The following LTBP1 variants were observed in gnomAD, a reference collection of about 807,000 sequenced individuals.
The protein encoded by LTBP1 is latent-transforming growth factor beta-binding protein 1.
Under a neutral mutation model 207.6 loss-of-function variants are expected in LTBP1, and 129 were observed. The observed-to-expected ratio is 0.62, with a 90% CI of 0.54 to 0.72. LTBP1 has a LOEUF of 0.72. Among genes scored for constraint, LTBP1 ranks in the 30% least tolerant of loss-of-function variants. The pLI is 0.00. For missense variants in LTBP1, 2,281 were observed against 2,217.2 expected (o/e 1.03, Z -0.58); for synonymous variants, 963 against 833.7 (o/e 1.16, Z -2.67).
intron 24 of LTBP1, among the ~76,000 whole-genome samples, chr2:33,334,563 G>C (rs2094533298): frequency 6.6e-6 from 1 of 152,144 alleles, no homozygotes; most frequent in South Asian, 2.1e-4. Flanking sequence ...AGAAGAATGT[G>C]GTGACTGGAT....
chr2:33,390,990 TA>T (rs1167229894), intron 32 of LTBP1, among the ~76,000 whole-genome samples: 3 of 150,600 alleles, frequency 2.0e-5, no homozygotes, highest in Admixed American at 6.6e-5. Context: ...CAAGAGCTTT[TA>T]TTTTTTTTTT....
Position 33,278,783 on chromosome 2 carries a change from A to G in LTBP1, c.2993-1256A>G, listed in dbSNP as rs149699415. ...TTGGAAAATGAAACTGGCAAGCACC[A>G]TCTTTTTGTAGAACAAGAAGTCCCA... is the stretch of plus-strand genomic sequence containing the variant. On this transcript the variant is annotated intron_variant, in intron 18 of 33. Transcript: ENST00000404816. Among the ~76,000 whole-genome samples, 337 of 152,346 alleles carry G rather than the reference A, an allele frequency of 2.2e-3. 1 individual carries two copies. Among genetic ancestry groups the G allele is most frequent in the African/African-American group, 4.5e-3 (186 of 41,576 alleles).
intron 18 of LTBP1, among the ~76,000 whole-genome samples, chr2:33,276,889 T>C (rs2093436731): frequency 6.6e-6 from 1 of 152,166 alleles, no homozygotes; most frequent in South Asian, 2.1e-4. Flanking sequence ...ACTATGGCAC[T>C]TTTTTTGCAA....
At position 32,989,575 on chromosome 2, in the gene LTBP1, C is replaced by G. The variant is rs117449196; in HGVS notation, c.566-31334C>G. Reference sequence around the variant, plus strand: ...TGGAATAGCACTGTGGTAATGTGGACAAGGAAAAGCCCAGGGACAGAGTGT... The same window carrying G: ...TGGAATAGCACTGTGGTAATGTGGAGAAGGAAAAGCCCAGGGACAGAGTGT... On this transcript the variant is annotated intron_variant, in intron 2 of 33. Coordinates refer to ENST00000404816, the MANE Select transcript of LTBP1 (RefSeq NM_206943.4). Among the ~76,000 whole-genome samples the G allele has an allele frequency of 2.6e-5, 4 of 152,276 alleles. No individual in the cohort carries two copies. The East Asian group carries it at 7.7e-4, about 29-fold the overall frequency.
intron 3 of LTBP1, among the ~76,000 whole-genome samples, chr2:33,047,599 G>A (rs935797488): frequency 6.6e-6 from 1 of 152,152 alleles, no homozygotes; most frequent in Non-Finnish European, 1.5e-5. Context: ...CTGTTGATTT[G>A]GGGTGGAGAG....
At chr2:33,082,432 CTTTTTTTTTTTTT>C (rs56058653) in intron 3 of LTBP1, among the ~76,000 whole-genome samples, 5 of 29,356 alleles carry the variant, frequency 1.7e-4, no homozygotes, top group African/African-American at 4.4e-4. Flanking sequence ...GTATGACTCA[CTTTTTTTTTTTTT>C]TTTTTTTTTT....
At chr2:32,982,723 G>A (rs1682953773) in intron 2 of LTBP1, among the ~76,000 whole-genome samples, 1 of 152,218 alleles carries the variant, frequency 6.6e-6, no homozygotes, top group African/African-American at 2.4e-5. Context: ...TGGCTTCAGA[G>A]GGTGCAAGCC....
intron 5 of LTBP1, among the ~76,000 whole-genome samples, chr2:33,170,214 G>A (rs1275114896): frequency 1.3e-5 from 2 of 152,198 alleles, no homozygotes; most frequent in African/African-American, 4.8e-5. Context: ...TGCCTCACTC[G>A]GGAAGCGCAA....
chr2:33,044,514 T>C (rs1205162400), intron 3 of LTBP1, among the ~76,000 whole-genome samples: 1 of 152,210 alleles, frequency 6.6e-6, no homozygotes, highest in African/African-American at 2.4e-5. Context: ...CAGTCTATCA[T>C]TGATGAGCAT....
intron 24 of LTBP1, among the ~76,000 whole-genome samples, chr2:33,338,906 G>A (rs943602843): frequency 1.3e-5 from 2 of 152,214 alleles, no homozygotes; most frequent in African/African-American, 4.8e-5. Context: ...AGATGAGGAA[G>A]GGTGCTCCAT....
At chr2:33,117,146 A>C (rs2080793436) in intron 4 of LTBP1, among the ~76,000 whole-genome samples, 1 of 152,334 alleles carries the variant, frequency 6.6e-6, no homozygotes, top group Non-Finnish European at 1.5e-5. Context: ...TGTTGTTTTC[A>C]TAGTAGCAGC....
intron 9 of LTBP1, among the ~76,000 whole-genome samples, chr2:33,235,982 C>G (rs2092029052): frequency 6.6e-6 from 1 of 152,142 alleles, no homozygotes; most frequent in African/African-American, 2.4e-5. Context: ...CAGCAAACCA[C>G]TATGGCACTT....
intron 19 of LTBP1, among the ~76,000 whole-genome samples, chr2:33,283,427 C>CA (rs2093601701): frequency 1.5e-5 from 1 of 68,872 alleles, no homozygotes; most frequent in African/African-American, 6.0e-5. Context: ...ACATTAAAGA[C>CA]TTTTTTTTTT....
At chr2:33,058,462 G>C (rs2077113056) in intron 3 of LTBP1, among the ~76,000 whole-genome samples, 1 of 152,168 alleles carries the variant, frequency 6.6e-6, no homozygotes, top group Non-Finnish European at 1.5e-5. Context: ...TCTAAACGTA[G>C]TACCTTCCAC....
chr2:33,216,411 C>T (rs1457006436), intron 7 of LTBP1, among the ~76,000 whole-genome samples: 1 of 152,058 alleles, frequency 6.6e-6, no homozygotes, highest in Non-Finnish European at 1.5e-5. Context: ...ATAAAGAGCC[C>T]TTTGGTATGT....
At chr2:33,280,468 C>T (rs2093537855) in intron 19 of LTBP1, among the ~76,000 whole-genome samples, 1 of 152,048 alleles carries the variant, frequency 6.6e-6, no homozygotes, top group Non-Finnish European at 1.5e-5. Context: ...GAGCAAAACA[C>T]TTAAAAAGAG....
Position 33,086,040 on chromosome 2 carries a change from G to A in LTBP1, c.864-24542G>A, listed in dbSNP as rs191623391. ...TGAACATCCAGGAGTTAGAACATCA[G>A]TGATAATCACAAAGCTACAGTTATT... On this transcript the variant is annotated intron_variant, in intron 3 of 33. Coordinates refer to ENST00000404816, the MANE Select transcript of LTBP1 (RefSeq NM_206943.4). 1.4e-3 allele frequency among the ~76,000 whole-genome samples: 216 copies of A among 152,348 alleles called. 2 individuals are homozygous for A. The highest frequency in any genetic ancestry group is 1.5e-3 in the South Asian group (7 of 4,826).
At chr2:32,970,426 T>A (rs1406760080) in intron 2 of LTBP1, among the ~76,000 whole-genome samples, 1 of 152,134 alleles carries the variant, frequency 6.6e-6, no homozygotes, top group Non-Finnish European at 1.5e-5. Flanking sequence ...CTTAAGTTGA[T>A]TTTTTTGTAT....
At chr2:33,181,881 T>C (rs1001258796) in intron 5 of LTBP1, among the ~76,000 whole-genome samples, 5 of 152,188 alleles carry the variant, frequency 3.3e-5, no homozygotes, top group South Asian at 4.1e-4. Context: ...GCATGAACTT[T>C]TGAAACAGAA....
Sources: allele counts gnomAD v4.1 joint callset (sites outside exome capture counted in the v4.1 genomes callset), GRCh38; gene constraint gnomAD v4.1.1; transcripts MANE v1.5; gene names NCBI Gene and HGNC (gene_info 2026-07-23, HGNC 2026-07-21).